RAB3IL1: variants seen among roughly 807,000 people sequenced by gnomAD.
RAB3IL1 encodes the protein RAB3A interacting protein like 1.
A neutral mutation model predicts 49.2 loss-of-function variants in RAB3IL1; 37 were observed. The ratio of observed to expected loss-of-function variants is 0.75; its 90% CI spans 0.58 to 0.99. RAB3IL1 has a LOEUF of 0.99. Among genes scored for constraint, RAB3IL1 ranks in the 50% least tolerant of loss-of-function variants. The pLI is 0.00. For missense variants in RAB3IL1, 484 were observed against 513.0 expected (o/e 0.94, Z 0.55); for synonymous variants, 193 against 213.9 (o/e 0.90, Z 0.85).
chr11:61,904,949 T>G, intron 5 of RAB3IL1, 67 bp from the exon 6 acceptor site: 1 of 1,243,996 alleles, frequency 8.0e-7, no homozygotes, highest in East Asian at 2.4e-5. Flanking sequence ...AGATGCAGGC[T>G]GAGCTGAAGG....
the RAB3IL1 span, among the ~76,000 whole-genome samples, chr11:61,928,371 C>A: frequency 2.0e-5 from 3 of 152,008 alleles, no homozygotes; most frequent in African/African-American, 7.3e-5. Context: ...GGAGCTAGGA[C>A]CCTCAAAATA....
the RAB3IL1 span, among the ~76,000 whole-genome samples, chr11:61,938,473 A>G: frequency 6.6e-6 from 1 of 152,228 alleles, no homozygotes; most frequent in Non-Finnish European, 1.5e-5. Flanking sequence ...CTCAAGGCAA[A>G]AATTGTTACA....
At chr11:61,927,344 A>C in the RAB3IL1 span, among the ~76,000 whole-genome samples, 5 of 152,152 alleles carry the variant, frequency 3.3e-5, no homozygotes, top group African/African-American at 1.2e-4. Flanking sequence ...TTCTATACAA[A>C]TTGCCCAGAC....
chr11:61,908,002 C>A, intron 2 of RAB3IL1, 52 bp downstream of exon 2: 1 of 1,559,400 alleles, frequency 6.4e-7, no homozygotes, highest in Non-Finnish European at 8.7e-7. Flanking sequence ...CACAGCTCTC[C>A]CAACCTGACT....
Position 61,898,817 on chromosome 11 carries a change from G to C in RAB3IL1, c.1067-457C>G. 1 of 468,586 alleles carries C rather than the reference G, an allele frequency of 2.1e-6. No homozygotes were observed. Among genetic ancestry groups the C allele is most frequent in the South Asian group, 1.5e-5 (1 of 64,666 alleles). The allele number at this position is 468,586 out of a possible 1,614,324, so 29.0% of individuals were successfully genotyped here. A position where few individuals can be genotyped will look rare whatever the true frequency, so the allele number is the denominator to read the frequency against. On this transcript the variant is annotated intron_variant, in intron 9 of 9. Coordinates refer to ENST00000394836, the MANE Select transcript of RAB3IL1 (RefSeq NM_013401.4). This position sits in a 1 kb window ranked among gnomAD's most constrained non-coding sequence, Gnocchi z 5.1. ...GGCCTCCAAGAGGACTTGACCCCCA[G>C]GATGGAGAGGAGATAGCTCCTTACT...
intron 7 of RAB3IL1, among the ~76,000 whole-genome samples, chr11:61,904,122 A>G (rs1293754825): frequency 6.6e-6 from 1 of 151,816 alleles, no homozygotes; most frequent in Non-Finnish European, 1.5e-5. Flanking sequence ...AGCCATCCCC[A>G]GCCAGGCTCT....
At chr11:61,934,450 G>GTGTATGTATGTATGTATATA in the RAB3IL1 span, among the ~76,000 whole-genome samples, 18 of 31,584 alleles carry the variant, frequency 5.7e-4, no homozygotes, top group Non-Finnish European at 1.0e-3. Flanking sequence ...GTGTGTGTAT[G>GTGTATGTATGTATGTATATA]TATATATATA....
At chr11:61,939,048 C>G in the RAB3IL1 span, among the ~76,000 whole-genome samples, 1 of 151,962 alleles carries the variant, frequency 6.6e-6, no homozygotes, top group East Asian at 1.9e-4. Context: ...AAGACTTGAA[C>G]AGTGCTAACT....
At chr11:61,917,671 C>G, upstream of RAB3IL1, 1 of 685,264 alleles carries the variant, frequency 1.5e-6, no homozygotes, top group Non-Finnish European at 1.8e-6. Flanking sequence ...CCCACCCGGC[C>G]CGCCGCGCCG....
rs1040909690 is a variant in RAB3IL1 at position 61,898,767 on chromosome 11, T to C, written c.1067-407A>G. 2.1e-5 allele frequency: 10 copies of C among 474,408 alleles called. No individual in the cohort carries two copies. Among genetic ancestry groups the C allele is most frequent in the Admixed American group, 2.1e-4 (9 of 43,004 alleles). 29.4% of individuals were successfully genotyped at this position (474,408 alleles called of 1,614,324 possible). On this transcript the variant is annotated intron_variant, in intron 9 of 9. Coordinates refer to ENST00000394836, the MANE Select transcript of RAB3IL1 (RefSeq NM_013401.4). The surrounding 1 kb of genome is among the most constrained non-coding windows in gnomAD (Gnocchi z 5.1). Reference sequence around the variant, plus strand: ...CGGCCATCCAGGGACCTAGCAGGTGTCAACACCCAGCATGCCTTGGCCTTG... The same window carrying C: ...CGGCCATCCAGGGACCTAGCAGGTGCCAACACCCAGCATGCCTTGGCCTTG...
chr11:61,939,464 C>A, the RAB3IL1 span, among the ~76,000 whole-genome samples: 1 of 151,708 alleles, frequency 6.6e-6, no homozygotes, highest in East Asian at 1.9e-4. Context: ...ATTTAAGGAA[C>A]TAGAAAAAGT....
the RAB3IL1 span, among the ~76,000 whole-genome samples, chr11:61,934,446 G>GTGTGTGTGTGTGTATGTATATATA: frequency 2.0e-4 from 5 of 24,406 alleles, no homozygotes; most frequent in African/African-American, 4.0e-4. Flanking sequence ...GTGTGTGTGT[G>GTGTGTGTGTGTGTATGTATATATA]TATGTATATA....
the RAB3IL1 span, among the ~76,000 whole-genome samples, chr11:61,927,762 C>A: frequency 4.6e-5 from 7 of 151,988 alleles, no homozygotes; most frequent in Admixed American, 4.6e-4. Flanking sequence ...GTAGCACCTC[C>A]CCCTTTGCTC....
chr11:61,923,327 G>A (rs541555567), upstream of RAB3IL1, among the ~76,000 whole-genome samples: 1 of 152,308 alleles, frequency 6.6e-6, no homozygotes, highest in East Asian at 1.9e-4. Context: ...GGTCTGGGAC[G>A]TCTTGTCAGT....
intron 1 of RAB3IL1, among the ~76,000 whole-genome samples, chr11:61,916,639 G>A (rs979498787): frequency 6.6e-6 from 1 of 152,206 alleles, no homozygotes; most frequent in Non-Finnish European, 1.5e-5. Context: ...GGTCTTTCCC[G>A]GCCACGGGGA....
At chr11:61,942,301 A>C in the RAB3IL1 span, among the ~76,000 whole-genome samples, 86 of 152,308 alleles carry the variant, frequency 5.6e-4, no homozygotes, top group African/African-American at 2.0e-3. Context: ...ATCTCAAGTA[A>C]TCAGGGACAC....
chr11:61,936,500 C>T, the RAB3IL1 span, among the ~76,000 whole-genome samples: 1 of 152,304 alleles, frequency 6.6e-6, no homozygotes, highest in African/African-American at 2.4e-5. Context: ...CTCCTCCGTG[C>T]CTGGCTAATT....
At chr11:61,903,111 T>G (rs1320302676) in intron 7 of RAB3IL1, among the ~76,000 whole-genome samples, 1 of 151,568 alleles carries the variant, frequency 6.6e-6, no homozygotes, top group Non-Finnish European at 1.5e-5. Flanking sequence ...ACATGAAGGG[T>G]CTCCACAGGC....
chr11:61,902,357 T>C, intron 8 of RAB3IL1, 85 bp downstream of exon 8: 2 of 1,151,400 alleles, frequency 1.7e-6, no homozygotes, highest in Admixed American at 2.0e-5. Context: ...TGTAGTGCTA[T>C]TCATACTCCC....
Sources: allele counts gnomAD v4.1 joint callset (sites outside exome capture counted in the v4.1 genomes callset), GRCh38; gene constraint gnomAD v4.1.1; non-coding constraint Gnocchi (gnomAD v3.1); transcripts MANE v1.5; gene names NCBI Gene and HGNC (gene_info 2026-07-23, HGNC 2026-07-21).